Variants in TAFA1 observed in about 807,000 individuals in gnomAD.
TAFA1 encodes chemokine-like protein TAFA-1.
In TAFA1, 4 loss-of-function variants were observed where a neutral mutation model predicts 18.5. The ratio of observed to expected loss-of-function variants is 0.22; its 90% CI spans 0.11 to 0.49. The LOEUF is 0.49. TAFA1 is among the 20% of genes least tolerant of loss of function. TAFA1 has a pLI of 0.98. For synonymous variants in TAFA1, 56 were observed against 55.2 expected, an observed-to-expected ratio of 1.01 and a Z score of -0.06; for missense variants, 147 against 169.0, an observed-to-expected ratio of 0.87 and a Z score of 0.72.
intron 3 of TAFA1, among the ~76,000 whole-genome samples, chr3:68,466,675 G>A (rs966915524): frequency 4.6e-5 from 7 of 151,902 alleles, no homozygotes; most frequent in East Asian, 1.9e-4. Flanking sequence ...AAGTCCTCTC[G>A]GACCCTAATA....
intron 2 of TAFA1, among the ~76,000 whole-genome samples, chr3:68,031,512 G>T (rs1296331431): frequency 2.0e-5 from 3 of 152,144 alleles, no homozygotes; most frequent in African/African-American, 7.2e-5. Context: ...TGAGGACAAA[G>T]AAAGAATAAT....
chr3:68,136,675 G>A (rs569503413), intron 2 of TAFA1, among the ~76,000 whole-genome samples: 5 of 152,174 alleles, frequency 3.3e-5, no homozygotes, highest in Non-Finnish European at 7.3e-5. Flanking sequence ...AATGGAAAAA[G>A]GGAGGGAGTA....
chr3:68,045,720 G>A (rs1705254313), intron 2 of TAFA1, among the ~76,000 whole-genome samples: 1 of 152,204 alleles, frequency 6.6e-6, no homozygotes. Flanking sequence ...AGGGAAGGGA[G>A]TGGTGGCACA....
At chr3:68,016,925 A>G (rs1704581558) in intron 2 of TAFA1, among the ~76,000 whole-genome samples, 1 of 152,196 alleles carries the variant, frequency 6.6e-6, no homozygotes, top group African/African-American at 2.4e-5. Context: ...ATTTTCTTCT[A>G]AGTATTTATT....
intron 2 of TAFA1, among the ~76,000 whole-genome samples, chr3:68,012,129 C>G (rs34242854): frequency 0.7 from 106,413 of 152,106 alleles, 37,364 homozygotes; most frequent in East Asian, 0.81. Context: ...TTTAAACTTT[C>G]TGCGAAAGTA....
chr3:68,445,792 T>C (rs2106881113), intron 3 of TAFA1, among the ~76,000 whole-genome samples: 1 of 152,300 alleles, frequency 6.6e-6, no homozygotes, highest in South Asian at 2.1e-4. Context: ...GTGCTGCTGC[T>C]GTACTTGAGA....
intron 2 of TAFA1, among the ~76,000 whole-genome samples, chr3:68,335,356 T>G (rs781749265): frequency 1.3e-5 from 2 of 152,230 alleles, no homozygotes; most frequent in Non-Finnish European, 2.9e-5. Context: ...GGGCTTCAAC[T>G]CTGAGTCTTT....
intron 2 of TAFA1, among the ~76,000 whole-genome samples, chr3:68,368,149 A>C (rs1463981285): frequency 2.0e-5 from 3 of 152,144 alleles, no homozygotes; most frequent in Middle Eastern, 6.3e-3. Context: ...CAAGTGAAAA[A>C]CCTCAGGATT....
intron 2 of TAFA1, among the ~76,000 whole-genome samples, chr3:68,082,279 C>G (rs141298645): frequency 0.012 from 1,857 of 152,290 alleles, 45 homozygotes; most frequent in African/African-American, 0.043. Context: ...TCTTGTGCGT[C>G]GCTCACGCTG....
chr3:68,029,708 C>A (rs948319622), intron 2 of TAFA1, among the ~76,000 whole-genome samples: 1 of 152,136 alleles, frequency 6.6e-6, no homozygotes, highest in Non-Finnish European at 1.5e-5. Flanking sequence ...TGTACTCTTA[C>A]GTAATAATGC....
intron 2 of TAFA1, among the ~76,000 whole-genome samples, chr3:68,394,463 C>G (rs1052447649): frequency 3.9e-5 from 6 of 152,218 alleles, no homozygotes; most frequent in African/African-American, 1.4e-4. Flanking sequence ...CTTTAAATTT[C>G]ATATGGAACC....
Position 68,315,541 on chromosome 3 carries a change from GC to G in TAFA1, c.119-101738del, listed in dbSNP as rs372061601. 8.9e-4 allele frequency among the ~76,000 whole-genome samples: 136 copies of G among 152,242 alleles called. No individual in the cohort carries two copies. The Middle Eastern group carries it at 0.014, about 15-fold the overall frequency. On this transcript the variant is annotated intron_variant, in intron 2 of 4. Coordinates refer to ENST00000478136, the MANE Select transcript of TAFA1 (RefSeq NM_213609.4). ...ATTCCTCCTATGCCATATGTGCCTA[GC>G]TTTAAAAATCAAAAATGTCACTAAA...
At chr3:68,274,940 T>C (rs900338200) in intron 2 of TAFA1, among the ~76,000 whole-genome samples, 1 of 152,138 alleles carries the variant, frequency 6.6e-6, no homozygotes, top group African/African-American at 2.4e-5. Flanking sequence ...ACATAGACCA[T>C]ATACAATTTG....
At chr3:68,054,765 G>C (rs1264570455) in intron 2 of TAFA1, among the ~76,000 whole-genome samples, 1 of 152,174 alleles carries the variant, frequency 6.6e-6, no homozygotes, top group Admixed American at 6.5e-5. Context: ...GAGTTTAATT[G>C]ATTGGGGTTA....
At position 68,102,518 on chromosome 3, in the gene TAFA1, C is replaced by T. The variant is rs185330099; in HGVS notation, c.118+95774C>T. On this transcript the variant is annotated intron_variant, in intron 2 of 4. Coordinates refer to ENST00000478136, the MANE Select transcript of TAFA1 (RefSeq NM_213609.4). ...CGTTAAAATGCACAGAAGGCTGGCT[C>T]TCATATTTTTTCCCATACTGAATTC... 6.8e-4 allele frequency among the ~76,000 whole-genome samples: 104 copies of T among 152,280 alleles called. 1 individual carries two copies. The highest frequency in any genetic ancestry group is 2.3e-3 in the African/African-American group (94 of 41,564).
chr3:68,147,687 G>A (rs2065758958), intron 2 of TAFA1, among the ~76,000 whole-genome samples: 2 of 151,172 alleles, frequency 1.3e-5, no homozygotes, highest in South Asian at 2.1e-4. Flanking sequence ...AAGATTTGAG[G>A]GCAAAACATT....
chr3:68,371,324 A>G (rs1164895945), intron 2 of TAFA1, among the ~76,000 whole-genome samples: 7 of 152,124 alleles, frequency 4.6e-5, no homozygotes, highest in Non-Finnish European at 1.0e-4. Flanking sequence ...CCTGTCATCT[A>G]GGTTTTAAGC....
upstream of TAFA1, among the ~76,000 whole-genome samples, chr3:68,002,030 C>T (rs934903752): frequency 2.0e-5 from 3 of 152,190 alleles, no homozygotes; most frequent in Non-Finnish European, 2.9e-5. Context: ...ATGGCATACC[C>T]AACCCTAAAG....
rs567666083 is a variant in TAFA1, at chr3:68,366,618, T to C, written c.119-50662T>C. On this transcript the variant is annotated intron_variant, in intron 2 of 4. Coordinates refer to ENST00000478136, the MANE Select transcript of TAFA1 (RefSeq NM_213609.4). ...CCTTTCCTTACAGGCAGGCAATATG[T>C]GGCAGGGCTTCAAAACAGAGGTTTC... Among the ~76,000 whole-genome samples, 6 of 152,328 alleles carry C rather than the reference T, an allele frequency of 3.9e-5. No individual in the cohort carries two copies. In the East Asian group the frequency reaches 1.2e-3, roughly 29 times the overall value.
Sources: allele counts gnomAD v4.1 joint callset (sites outside exome capture counted in the v4.1 genomes callset), GRCh38; gene constraint gnomAD v4.1.1; transcripts MANE v1.5; gene names NCBI Gene and HGNC (gene_info 2026-07-23, HGNC 2026-07-21).